GLDN: variants seen among roughly 807,000 people sequenced by gnomAD.
GLDN encodes the protein gliomedin, also known as collomin.
A neutral mutation model predicts 56.5 loss-of-function variants in GLDN; 47 were observed. That is an observed-to-expected ratio of 0.83 (90% CI 0.66 to 1.06). The LOEUF is 1.06. Among genes scored for constraint, GLDN ranks in the 50% least tolerant of loss-of-function variants. GLDN has a pLI of 0.00. For synonymous variants in GLDN, 332 were observed against 278.8 expected (o/e 1.19, Z -1.90); for missense variants, 782 against 714.3 (o/e 1.09, Z -1.08).
At chr15:51,345,240 T>C (rs767190345) in intron 1 of GLDN, among the ~76,000 whole-genome samples, 2 of 152,226 alleles carry the variant, frequency 1.3e-5, no homozygotes, top group Non-Finnish European at 2.9e-5. Flanking sequence ...CTGTCTTTAC[T>C]TGTCCAAAAT....
At chr15:51,393,408 A>AT (rs11444380) in intron 4 of GLDN, among the ~76,000 whole-genome samples, 5,753 of 152,218 alleles carry the variant, frequency 0.038, 188 homozygotes, top group African/African-American at 0.091. Flanking sequence ...TCTACCCAGT[A>AT]TTCAGTATTT....
chr15:51,349,488 T>C (rs1216999217), intron 1 of GLDN, among the ~76,000 whole-genome samples: 2 of 152,250 alleles, frequency 1.3e-5, no homozygotes, highest in Non-Finnish European at 2.9e-5. Context: ...AGAATAATAA[T>C]ATTGTGTGAC....
chr15:51,369,994 T>C (rs1165361250), intron 1 of GLDN, among the ~76,000 whole-genome samples: 2 of 152,176 alleles, frequency 1.3e-5, no homozygotes, highest in Non-Finnish European at 2.9e-5. Flanking sequence ...CGCATGTCTG[T>C]AGTCCCAGCT....
intron 6 of GLDN, among the ~76,000 whole-genome samples, chr15:51,399,749 T>G (rs2038208581): frequency 6.6e-6 from 1 of 152,212 alleles, no homozygotes; most frequent in South Asian, 2.1e-4. Context: ...CCCCATTCTC[T>G]GGGGCTGCTA....
intron 2 of GLDN, among the ~76,000 whole-genome samples, chr15:51,381,326 G>C (rs1165102101): frequency 1.3e-5 from 2 of 152,118 alleles, no homozygotes; most frequent in Non-Finnish European, 2.9e-5. Flanking sequence ...ATCCGAATTT[G>C]GCTCCCTCTG....
chr15:51,367,792 G>A (rs1390882118), intron 1 of GLDN, among the ~76,000 whole-genome samples: 2 of 152,176 alleles, frequency 1.3e-5, no homozygotes, highest in Non-Finnish European at 2.9e-5. Context: ...ACCCAGCCCA[G>A]AGCAGCCCTG....
chr15:51,350,016 T>G (rs1205923285), intron 1 of GLDN, among the ~76,000 whole-genome samples: 2 of 152,164 alleles, frequency 1.3e-5, no homozygotes, highest in Non-Finnish European at 2.9e-5. Context: ...GTGCTGAGAT[T>G]ACAGGCGTGA....
At chr15:51,384,195 G>A (rs1462971782) in intron 4 of GLDN, 4 of 381,762 alleles carry the variant, frequency 1.0e-5, no homozygotes, top group Non-Finnish European at 1.9e-5. Flanking sequence ...GGCATTCTGT[G>A]GGCCGTGTGA....
At position 51,405,992 on chromosome 15, in the gene GLDN, T is replaced by A. The variant is rs2038372812; in HGVS notation, c.*1238T>A. On this transcript the variant is annotated 3_prime_UTR_variant, in exon 10 of 10. Transcript: ENST00000335449. The stretch of plus-strand genomic sequence containing the variant: ...ATGGAAAAAGATTGCTGACTCCTGA[T>A]AAAGAATATAAAGTGAGCCTGATTC... The A allele has an allele frequency of 6.6e-6, 1 of 152,142 alleles. No homozygotes were observed. The highest frequency in any genetic ancestry group is 2.4e-5 in the African/African-American group (1 of 41,436). The allele number at this position is 152,142 out of a possible 1,614,324, so 9.4% of individuals were successfully genotyped here.
At position 51,404,531 on chromosome 15, in the gene GLDN, C is replaced by A; in HGVS notation, c.1433C>A (p.Ala478Asp). The part of the protein sequence containing the change: ...PKSKAGNAFI[A>D]RGILYVTDTK... ...TCCAAGGCTGGCAACGCCTTCATTG[C>A]CCGAGGAATCCTCTATGTCACAGAC... The change falls in exon 10 of 10, where the codon GCC becomes GAC. Residue 478 changes from alanine to aspartate, a missense_variant. Ala to Asp is a moderately radical substitution (Grantham distance 126). Transcript: ENST00000335449. The A allele has an allele frequency of 6.2e-7, 1 of 1,614,124 alleles. No individual in the cohort carries two copies.
chr15:51,375,312 T>C lies in GLDN; in HGVS notation c.364-2137T>C, dbSNP rs574298900. Among the ~76,000 whole-genome samples the C allele has an allele frequency of 1.4e-4, 22 of 152,314 alleles. No individual in the cohort carries two copies. In the South Asian group the frequency reaches 4.6e-3, roughly 32 times the overall value. ...AGCTCCCTTCCACCCTGGCCCTCCA[T>C]TTTCCCCTCACTTGAGGTTTTCTAA... On this transcript the variant is annotated intron_variant, in intron 1 of 9. Coordinates refer to ENST00000335449, the MANE Select transcript of GLDN (RefSeq NM_181789.4).
At chr15:51,408,725 C>A (rs1463905400), downstream of GLDN, among the ~76,000 whole-genome samples, 1 of 152,092 alleles carries the variant, frequency 6.6e-6, no homozygotes, top group African/African-American at 2.4e-5. Context: ...TGTTCCCCAC[C>A]CTGTGTCCAA....
intron 1 of GLDN, among the ~76,000 whole-genome samples, chr15:51,373,670 G>A (rs542816847): frequency 4.6e-5 from 7 of 152,304 alleles, no homozygotes; most frequent in African/African-American, 1.2e-4. Context: ...CAAGACCAGC[G>A]ACGAGGCCAG....
intron 1 of GLDN, among the ~76,000 whole-genome samples, chr15:51,361,463 G>C (rs1426291579): frequency 3.3e-5 from 5 of 152,076 alleles, no homozygotes; most frequent in Non-Finnish European, 7.4e-5. Flanking sequence ...TTTTAGAGGT[G>C]GGTCCTAGAA....
intron 1 of GLDN, among the ~76,000 whole-genome samples, chr15:51,342,616 C>T (rs1432299515): frequency 1.3e-5 from 2 of 152,208 alleles, no homozygotes; most frequent in African/African-American, 4.8e-5. Context: ...CACCTGGGAC[C>T]TAGATGCTGG....
At chr15:51,409,834 C>T (rs1301072010), downstream of GLDN, among the ~76,000 whole-genome samples, 4 of 152,214 alleles carry the variant, frequency 2.6e-5, no homozygotes, top group Admixed American at 1.3e-4. Flanking sequence ...CTCATCCCAC[C>T]GCTTCCAAAG....
At chr15:51,362,381 AG>A (rs2037316833) in intron 1 of GLDN, among the ~76,000 whole-genome samples, 1 of 149,574 alleles carries the variant, frequency 6.7e-6, no homozygotes, top group Non-Finnish European at 1.5e-5. Flanking sequence ...GCTACTTGGG[AG>A]GGTGAGGCAG....
In GLDN at chr15:51,394,992, T is replaced by C; in HGVS notation, c.688+11T>C. On this transcript the variant is annotated intron_variant, in intron 5 of 9. Coordinates refer to ENST00000335449, the MANE Select transcript of GLDN (RefSeq NM_181789.4). ...ACGTGCTCCTGGCAGGTAAGAGGGG[T>C]ACGCTGTGGCTCTCTTTGAGGGCTT... is the stretch of plus-strand genomic sequence containing the variant. 1.3e-6 allele frequency: 2 copies of C among 1,574,392 alleles called. No homozygotes were observed. The highest frequency in any genetic ancestry group is 2.3e-5 in the East Asian group (1 of 43,806).
chr15:51,367,949 A>T (rs746335028), intron 1 of GLDN, among the ~76,000 whole-genome samples: 1 of 152,210 alleles, frequency 6.6e-6, no homozygotes, highest in Non-Finnish European at 1.5e-5. Context: ...AGGAACCCTA[A>T]CTAGATAATC....
Sources: allele counts gnomAD v4.1 joint callset (sites outside exome capture counted in the v4.1 genomes callset), GRCh38; gene constraint gnomAD v4.1.1; transcripts MANE v1.5; gene names NCBI Gene and HGNC (gene_info 2026-07-23, HGNC 2026-07-21).